CETP: variants seen among roughly 807,000 people sequenced by gnomAD.
The protein encoded by CETP is BPI fold containing family F.
In CETP, 56 loss-of-function variants were observed where a neutral mutation model predicts 66.5. The observed-to-expected ratio is 0.84, with a 90% CI of 0.68 to 1.05. The LOEUF (loss-of-function observed/expected upper bound fraction) is 1.05. Ranked by LOEUF, CETP falls within the 50% of genes least tolerant of loss-of-function variation. The pLI is 0.00. For synonymous variants in CETP, 251 were observed against 245.7 expected, an observed-to-expected ratio of 1.02 and a Z score of -0.20; for missense variants, 612 against 609.6, an observed-to-expected ratio of 1.00 and a Z score of -0.04.
At chr16:56,978,482 T>C (rs1205512618) in intron 11 of CETP, among the ~76,000 whole-genome samples, 1 of 152,106 alleles carries the variant, frequency 6.6e-6, no homozygotes, top group Non-Finnish European at 1.5e-5. Flanking sequence ...TCTCTTTTCT[T>C]ATTTTTATTT....
At chr16:56,974,557 G>A (rs2056136262) in intron 9 of CETP, among the ~76,000 whole-genome samples, 1 of 152,196 alleles carries the variant, frequency 6.6e-6, no homozygotes, top group African/African-American at 2.4e-5. Flanking sequence ...ATATAACTTG[G>A]CACGTAGTAA....
At chr16:56,979,911 T>C (rs1299401271) in intron 11 of CETP, among the ~76,000 whole-genome samples, 1 of 152,190 alleles carries the variant, frequency 6.6e-6, no homozygotes, top group Non-Finnish European at 1.5e-5. Flanking sequence ...ATAACCCCCT[T>C]CTCCAGGGGC....
At chr16:56,966,451 TC>T (rs2056066880) in intron 2 of CETP, among the ~76,000 whole-genome samples, 1 of 152,154 alleles carries the variant, frequency 6.6e-6, no homozygotes, top group African/African-American at 2.4e-5. Flanking sequence ...TTTCCCACTG[TC>T]CCTTCTCACA....
At chr16:56,969,325 C>T in intron 2 of CETP, 61 bp from the exon 3 acceptor site, 1 of 1,610,764 alleles carries the variant, frequency 6.2e-7, no homozygotes, top group South Asian at 1.1e-5. Context: ...AAATTGGAGG[C>T]TCACTCCTTG....
At position 56,983,665 on chromosome 16, in the gene CETP, A is replaced by G. The variant is rs2056204741; in HGVS notation, c.1481A>G (p.Ter494TrpextTer11). Residue 494 changes from the stop codon to tryptophan (W), a stop_lost, in exon 16 of 16, where the codon TAG becomes TGG. Coordinates refer to ENST00000200676, the MANE Select transcript of CETP (RefSeq NM_000078.3). The stretch of plus-strand genomic sequence containing the variant: ...GTGGATTTCCTCCAGAGCTTGAGCT[A>G]GAAGTCTCCAAGGAGGTCGGGATGG... ...LLVDFLQSLS[*>W] 2.5e-6 allele frequency: 4 copies of G among 1,613,986 alleles called. No individual in the cohort carries two copies. Among genetic ancestry groups the G allele is most frequent in the East Asian group, 2.2e-5 (1 of 44,896 alleles).
chr16:56,971,227 C>G (rs1294528980), intron 6 of CETP, 94 bp from the exon 7 acceptor site: 1 of 1,512,844 alleles, frequency 6.6e-7, no homozygotes, highest in South Asian at 1.1e-5. Context: ...TCCCCTGTGC[C>G]GGTCCCCAGC....
intron 2 of CETP, 124 bp downstream of exon 2, chr16:56,963,248 T>C (rs1199768074): frequency 1.3e-6 from 1 of 757,264 alleles, no homozygotes; most frequent in African/African-American, 1.7e-5. Context: ...TCCCCTTGAT[T>C]TGGAACCAGA....
chr16:56,965,620 T>G (rs2056060486), intron 2 of CETP, among the ~76,000 whole-genome samples: 1 of 152,152 alleles, frequency 6.6e-6, no homozygotes, highest in Non-Finnish European at 1.5e-5. Context: ...CTGTGAGGAT[T>G]AAACCAGGAA....
At chr16:56,980,876 C>G (rs780841267) in intron 11 of CETP, among the ~76,000 whole-genome samples, 14 of 152,110 alleles carry the variant, frequency 9.2e-5, no homozygotes, top group Non-Finnish European at 1.9e-4. Flanking sequence ...GAGCTGAGAT[C>G]GTGCCACTGC....
intron 11 of CETP, among the ~76,000 whole-genome samples, chr16:56,979,256 T>C (rs913918915): frequency 6.6e-6 from 1 of 152,194 alleles, no homozygotes; most frequent in Non-Finnish European, 1.5e-5. Context: ...TAGTATAGTG[T>C]ATAGACACTG....
At chr16:56,978,518 T>C (rs1297052396) in intron 11 of CETP, among the ~76,000 whole-genome samples, 2 of 152,186 alleles carry the variant, frequency 1.3e-5, no homozygotes, top group African/African-American at 4.8e-5. Context: ...TCTCACTCTG[T>C]CATCCAGGCT....
intron 10 of CETP, 86 bp from the exon 11 acceptor site, chr16:56,978,005 G>A (rs755990845): frequency 3.2e-5 from 50 of 1,547,328 alleles, no homozygotes; most frequent in Non-Finnish European, 4.4e-5. Context: ...CCCGGAGCCA[G>A]CTTTGTCCTT....
chr16:56,966,313 C>T (rs1293552861), intron 2 of CETP, among the ~76,000 whole-genome samples: 1 of 152,148 alleles, frequency 6.6e-6, no homozygotes, highest in Admixed American at 6.6e-5. Flanking sequence ...AAGCTTCCTG[C>T]TCTGACTTTC....
At chr16:56,967,825 G>A (rs1347088994) in intron 2 of CETP, among the ~76,000 whole-genome samples, 5 of 152,020 alleles carry the variant, frequency 3.3e-5, no homozygotes, top group African/African-American at 1.2e-4. Flanking sequence ...AATTAGCCAG[G>A]CAGTGTTGGT....
intron 9 of CETP, 55 bp downstream of exon 9, chr16:56,973,565 T>C: frequency 6.3e-7 from 1 of 1,594,100 alleles, no homozygotes; most frequent in Non-Finnish European, 8.6e-7. Flanking sequence ...GGTATGTGTG[T>C]GTGTGCACAC....
intron 10 of CETP, among the ~76,000 whole-genome samples, chr16:56,976,301 T>C (rs2056149560): frequency 6.6e-6 from 1 of 152,144 alleles, no homozygotes; most frequent in Admixed American, 6.5e-5. Context: ...ACCTGCCTGC[T>C]TAAAGCCGGT....
At chr16:56,971,263 G>A (rs767808237) in intron 6 of CETP, 58 bp from the exon 7 acceptor site, 1 of 1,590,838 alleles carries the variant, frequency 6.3e-7, no homozygotes, top group Non-Finnish European at 8.6e-7. Flanking sequence ...CAGCTGGAAG[G>A]AGGCACTGCC....
chr16:56,981,464 G>A (rs550120888), intron 12 of CETP, among the ~76,000 whole-genome samples, 183 bp from the exon 13 acceptor site: 43 of 152,356 alleles, frequency 2.8e-4, no homozygotes, highest in African/African-American at 9.1e-4. Flanking sequence ...AGCGCTGCCC[G>A]AGCAAAGGCC....
intron 2 of CETP, among the ~76,000 whole-genome samples, chr16:56,967,701 A>G (rs561992872): frequency 1.3e-5 from 2 of 152,118 alleles, no homozygotes; most frequent in African/African-American, 4.8e-5. Context: ...TTTCTGTAGA[A>G]CTGAAAGAGG....
Sources: allele counts gnomAD v4.1 joint callset (sites outside exome capture counted in the v4.1 genomes callset), GRCh38; gene constraint gnomAD v4.1.1; transcripts MANE v1.5; gene names NCBI Gene and HGNC (gene_info 2026-07-23, HGNC 2026-07-21).